SLC5A10: variants seen among roughly 807,000 people sequenced by gnomAD.
SLC5A10 encodes sodium/mannose cotransporter SLC5A10.
SLC5A10 carries 55 observed loss-of-function variants against 68.9 expected under a neutral mutation model. That is an observed-to-expected ratio of 0.80 (90% CI 0.64 to 1.00). The LOEUF (loss-of-function observed/expected upper bound fraction) is 1.00, where lower values mean the gene tolerates loss of function less well. Among genes scored for constraint, SLC5A10 ranks in the 50% least tolerant of loss-of-function variants. The probability of loss-of-function intolerance (pLI) is 0.00; values close to 1 mark genes in which losing one functional copy is unlikely to be tolerated. For synonymous variants in SLC5A10, 344 were observed against 344.8 expected (o/e 1.00, Z 0.02); for missense variants, 732 against 819.3 (o/e 0.89, Z 1.30).
intron 1 of SLC5A10, among the ~76,000 whole-genome samples, chr17:18,957,252 C>A (rs966223234): frequency 1.3e-5 from 2 of 152,122 alleles, no homozygotes; most frequent in Non-Finnish European, 2.9e-5. Flanking sequence ...CCAGGTAACA[C>A]GGCCAGGAAG....
At chr17:18,974,622 G>A (rs1232867294) in intron 8 of SLC5A10, among the ~76,000 whole-genome samples, 2 of 152,186 alleles carry the variant, frequency 1.3e-5, no homozygotes, top group Non-Finnish European at 1.5e-5. Flanking sequence ...CGTGGGCAGC[G>A]TGCTGACTCC....
At chr17:18,953,260 G>A (rs780920101) in intron 1 of SLC5A10, among the ~76,000 whole-genome samples, 3 of 151,448 alleles carry the variant, frequency 2.0e-5, no homozygotes, top group Non-Finnish European at 4.4e-5. Flanking sequence ...AGCCTCCTGA[G>A]TAGCTGGGAT....
At chr17:18,955,947 C>T (rs2042489881) in intron 1 of SLC5A10, among the ~76,000 whole-genome samples, 1 of 152,184 alleles carries the variant, frequency 6.6e-6, no homozygotes, top group South Asian at 2.1e-4. Flanking sequence ...GTAATCCCAG[C>T]ACTTTGGGAG....
rs2044261662 is a variant in SLC5A10 at position 19,021,283 on chromosome 17, C to A, written c.*852C>A. The stretch of plus-strand genomic sequence containing the variant: ...CTGGGCCCAGGGCTTGCCCTCAGAG[C>A]TCACCTGTCCAACAGAAGAGGAGTG... On this transcript the variant is annotated 3_prime_UTR_variant, in exon 15 of 15. Transcript: ENST00000395645. The surrounding 1 kb of genome is among the most constrained non-coding windows in gnomAD (Gnocchi z 4.1). 6.6e-6 allele frequency: 1 copy of A among 152,512 alleles called. No homozygotes were observed. Among genetic ancestry groups the A allele is most frequent in the Non-Finnish European group, 1.5e-5 (1 of 68,260 alleles). 9.4% of individuals were successfully genotyped at this position (152,512 alleles called of 1,614,324 possible).
At position 18,958,763 on chromosome 17, in the gene SLC5A10, C is replaced by G; in HGVS notation, c.183+10C>G. 6.2e-7 allele frequency: 1 copy of G among 1,614,056 alleles called. No individual in the cohort carries two copies. The highest frequency in any genetic ancestry group is 8.5e-7 in the Non-Finnish European group (1 of 1,179,918). Reference sequence around the variant, plus strand: ...CATGACGTGGTGGCCGGTGAGTGCACCCTGACTTCTCACACACCCCCACTT... The same window carrying G: ...CATGACGTGGTGGCCGGTGAGTGCAGCCTGACTTCTCACACACCCCCACTT... On this transcript the variant is annotated intron_variant, in intron 2 of 14. Coordinates refer to ENST00000395645, the MANE Select transcript of SLC5A10 (RefSeq NM_001042450.4).
At chr17:18,980,095 T>C (rs535745177) in intron 9 of SLC5A10, among the ~76,000 whole-genome samples, 1 of 152,184 alleles carries the variant, frequency 6.6e-6, no homozygotes, top group Non-Finnish European at 1.5e-5. Context: ...TAGGGGGTGA[T>C]GCAGCCAGAG....
At chr17:18,988,260 A>G (rs1308750581) in intron 9 of SLC5A10, 1 of 1,609,626 alleles carries the variant, frequency 6.2e-7, no homozygotes. Context: ...GAGGTGCCCC[A>G]GGTGCATGCA....
At chr17:19,007,115 T>C (rs952422616) in intron 9 of SLC5A10, among the ~76,000 whole-genome samples, 4 of 152,118 alleles carry the variant, frequency 2.6e-5, no homozygotes, top group African/African-American at 7.2e-5. Context: ...AGAGTGGCTG[T>C]ACCATTTCAC....
At chr17:18,986,667 G>A (rs895790117) in intron 9 of SLC5A10, among the ~76,000 whole-genome samples, 3 of 152,242 alleles carry the variant, frequency 2.0e-5, no homozygotes, top group Non-Finnish European at 2.9e-5. Flanking sequence ...GGTGGAAGGC[G>A]AGGCCTCTGG....
At chr17:19,008,562 C>T (rs184836659) in intron 9 of SLC5A10, among the ~76,000 whole-genome samples, 6 of 150,502 alleles carry the variant, frequency 4.0e-5, no homozygotes, top group Admixed American at 1.3e-4. Context: ...TGCAGTGTCA[C>T]GATCTCAGCT....
Position 19,015,132 on chromosome 17 carries a change from T to G in SLC5A10, c.1174T>G (p.Phe392Val), listed in dbSNP as rs2044108673. 2 of 1,550,242 alleles carry G rather than the reference T, an allele frequency of 1.3e-6. No individual in the cohort carries two copies. Among genetic ancestry groups the G allele is most frequent in the African/African-American group, 2.7e-5 (2 of 74,034 alleles). Residue 392 changes from phenylalanine (F) to valine (V), a missense_variant, in exon 11 of 15, where the codon TTC (phenylalanine) becomes GTC (valine). Physicochemically the swap from Phe to Val is conservative, Grantham distance 50. Transcript: ENST00000395645. ...TSIFNSSSTL[F>V]TMDIWRRLRP... Reference sequence around the variant, plus strand: ...CATCTTCAACAGCAGCAGCACCCTCTTCACTATGGACATCTGGAGGCGGCT... The same window carrying G: ...CATCTTCAACAGCAGCAGCACCCTCGTCACTATGGACATCTGGAGGCGGCT...
intron 1 of SLC5A10, among the ~76,000 whole-genome samples, chr17:18,957,840 G>C (rs2042535277): frequency 6.6e-6 from 1 of 152,192 alleles, no homozygotes; most frequent in African/African-American, 2.4e-5. Context: ...CCTGTAGCTA[G>C]CTCCAAAACA....
intron 9 of SLC5A10, among the ~76,000 whole-genome samples, chr17:18,995,673 A>G (rs963550296): frequency 2.0e-5 from 3 of 152,272 alleles, no homozygotes; most frequent in African/African-American, 7.2e-5. Flanking sequence ...TTTGGGAGGC[A>G]GAGGCGGGTG....
At chr17:19,014,607 C>T (rs972676066) in intron 10 of SLC5A10, among the ~76,000 whole-genome samples, 10 of 152,222 alleles carry the variant, frequency 6.6e-5, no homozygotes, top group Admixed American at 6.5e-5. Flanking sequence ...AAAGTCCTGC[C>T]GCTGGCCTGC....
At chr17:18,988,259 C>T (rs1233979380) in intron 9 of SLC5A10, 1 of 1,609,762 alleles carries the variant, frequency 6.2e-7, no homozygotes, top group Non-Finnish European at 8.5e-7. Flanking sequence ...TGAGGTGCCC[C>T]AGGTGCATGC....
rs1046841367 is a variant in SLC5A10, at chr17:18,976,975, G to A, written c.968G>A (p.Arg323His). The change falls in exon 9 of 15, where the codon CGC becomes CAC. Residue 323 changes from arginine (R) to histidine (H), a missense_variant. Transcript: ENST00000395645. The stretch of plus-strand genomic sequence containing the variant: ...ATCATCATGCCGGGCATGATCAGCC[G>A]CGCATTGTTCCCAGGTAGGACGGGC... ...GLIIMPGMIS[R>H]ALFPDDVGCV... The A allele has an allele frequency of 2.2e-5, 35 of 1,612,556 alleles. No individual in the cohort carries two copies. The highest frequency in any genetic ancestry group is 6.7e-5 in the Admixed American group (4 of 59,976).
intron 5 of SLC5A10, among the ~76,000 whole-genome samples, chr17:18,966,271 G>T (rs2042706929): frequency 6.6e-6 from 1 of 152,166 alleles, no homozygotes; most frequent in South Asian, 2.1e-4. Flanking sequence ...TGAGCTGGGG[G>T]TGGACCAGTT....
chr17:18,971,819 C>T lies in SLC5A10; in HGVS notation c.846+601C>T. On this transcript the variant is annotated intron_variant, in intron 8 of 14. Transcript: ENST00000395645. The surrounding 1 kb of genome is among the most constrained non-coding windows in gnomAD (Gnocchi z 5.5). ...CCCCGCCCCAGCACAGGACCCTGCT[C>T]AGGCACACAGGAGCCGGCAGGCCCG... The T allele has an allele frequency of 1.3e-6, 2 of 1,487,780 alleles. No individual in the cohort carries two copies. Among genetic ancestry groups the T allele is most frequent in the South Asian group, 1.4e-5 (1 of 72,912 alleles). 92.2% of individuals were successfully genotyped at this position (1,487,780 alleles called of 1,614,324 possible). A position where few individuals can be genotyped will look rare whatever the true frequency, so the allele number is the denominator to read the frequency against.
rs1460147834 is a variant in SLC5A10 at position 19,000,639 on chromosome 17, C to A, written c.983-12771C>A. Among the ~76,000 whole-genome samples the A allele has an allele frequency of 6.6e-6, 1 of 152,160 alleles. No homozygotes were observed. Among genetic ancestry groups the A allele is most frequent in the African/African-American group, 2.4e-5 (1 of 41,424 alleles). On this transcript the variant is annotated intron_variant, in intron 9 of 14. Transcript: ENST00000395645. The surrounding 1 kb of genome is among the most constrained non-coding windows in gnomAD (Gnocchi z 5.2). The stretch of plus-strand genomic sequence containing the variant: ...GGAAGGCTGGGCTGTCCTGACTCAG[C>A]CCCAGCAGCCCCAGCCTAAAGCCCC...
Sources: allele counts gnomAD v4.1 joint callset (sites outside exome capture counted in the v4.1 genomes callset), GRCh38; gene constraint gnomAD v4.1.1; non-coding constraint Gnocchi (gnomAD v3.1); transcripts MANE v1.5; gene names NCBI Gene and HGNC (gene_info 2026-07-23, HGNC 2026-07-21).